Variants in RIMS1 observed in about 807,000 individuals in gnomAD.
The protein encoded by RIMS1 is regulating synaptic membrane exocytosis 1.
In RIMS1, 83 loss-of-function variants were observed where a neutral mutation model predicts 214.1. That is an observed-to-expected ratio of 0.39 (90% CI 0.32 to 0.47). The LOEUF (loss-of-function observed/expected upper bound fraction) is 0.47, where lower values mean the gene tolerates loss of function less well. Ranked by LOEUF, RIMS1 falls within the 20% of genes least tolerant of loss-of-function variation. The pLI, the probability that RIMS1 is intolerant of heterozygous loss-of-function variation, is 0.99. For synonymous variants in RIMS1, 793 were observed against 786.8 expected, an observed-to-expected ratio of 1.01 and a Z score of -0.13; for missense variants, 2,050 against 2,161.8, an observed-to-expected ratio of 0.95 and a Z score of 1.03.
At chr6:72,154,150 A>AGTTAGGGACCCACT (rs1554253954) in intron 4 of RIMS1, among the ~76,000 whole-genome samples, 2 of 142,648 alleles carry the variant, frequency 1.4e-5, no homozygotes, top group Admixed American at 7.1e-5. Flanking sequence ...TGTATATGAA[A>AGTTAGGGACCCACT]TAGCTACAAA....
At chr6:72,258,440 A>G (rs189073504) in intron 17 of RIMS1, among the ~76,000 whole-genome samples, 159 bp downstream of exon 17, 1 of 152,250 alleles carries the variant, frequency 6.6e-6, no homozygotes, top group Admixed American at 6.6e-5. Context: ...TATCCAACCT[A>G]TGTGGCAGTC....
chr6:72,396,828 C>T (rs1049271796), intron 31 of RIMS1, among the ~76,000 whole-genome samples: 2 of 152,062 alleles, frequency 1.3e-5, no homozygotes, highest in Non-Finnish European at 2.9e-5. Context: ...GCCTGACCAA[C>T]ATGGCAAAAC....
At chr6:72,139,303 A>G (rs2041801594) in intron 4 of RIMS1, among the ~76,000 whole-genome samples, 1 of 152,154 alleles carries the variant, frequency 6.6e-6, no homozygotes, top group South Asian at 2.1e-4. Context: ...TCATGAGCAC[A>G]CCAAGTAAGG....
At chr6:71,939,880 A>G (rs1231476637) in intron 1 of RIMS1, among the ~76,000 whole-genome samples, 1 of 152,214 alleles carries the variant, frequency 6.6e-6, no homozygotes, top group African/African-American at 2.4e-5. Flanking sequence ...TAAATAACTC[A>G]ATTTGAAATA....
rs1209452789 is a variant in RIMS1, at chr6:72,343,515, T to TTG, written c.4366+9689_4366+9690dup. 1.1e-3 allele frequency among the ~76,000 whole-genome samples: 132 copies of TTG among 120,568 alleles called. 2 individuals are homozygous for TTG. Among genetic ancestry groups the TTG allele is most frequent in the Middle Eastern group, 4.5e-3 (1 of 222 alleles). The allele number at this position is 120,568 out of a possible 152,430, so 79.1% of individuals were successfully genotyped here. On this transcript the variant is annotated intron_variant, in intron 29 of 33. Transcript: ENST00000521978. ...TTCTTTTTTTTTTTTTTTTTTTTTT[T>TTG]TGTGTGTGTGGTCTTGAACTCCTGG...
At chr6:71,956,162 G>A (rs1791217378) in intron 1 of RIMS1, among the ~76,000 whole-genome samples, 2 of 151,890 alleles carry the variant, frequency 1.3e-5, no homozygotes, top group South Asian at 4.1e-4. Flanking sequence ...CCACTCTACT[G>A]TTACTATGAC....
chr6:72,156,606 A>G (rs1244871175), intron 4 of RIMS1, among the ~76,000 whole-genome samples: 1 of 140,450 alleles, frequency 7.1e-6, no homozygotes, highest in African/African-American at 2.5e-5. Flanking sequence ...TGGTAAGAGA[A>G]TAGATCTTAA....
chr6:72,309,040 A>G (rs1330714781), intron 27 of RIMS1, among the ~76,000 whole-genome samples: 1 of 152,118 alleles, frequency 6.6e-6, no homozygotes, highest in Non-Finnish European at 1.5e-5. Flanking sequence ...GGAAATTTTT[A>G]TCAGTTTCTT....
At chr6:72,205,563 C>A (rs1022461866) in intron 6 of RIMS1, among the ~76,000 whole-genome samples, 1 of 152,116 alleles carries the variant, frequency 6.6e-6, no homozygotes. Context: ...GGTTCAAACT[C>A]AACCAAGCCT....
rs1359781968 is a variant in RIMS1, at chr6:72,242,358, A to G, written c.2002A>G (p.Thr668Ala). 1 of 1,564,004 alleles carries G rather than the reference A, an allele frequency of 6.4e-7. No homozygotes were observed. Among genetic ancestry groups the G allele is most frequent in the Non-Finnish European group, 8.7e-7 (1 of 1,151,824 alleles). Residue 668 changes from threonine to alanine, a missense_variant, in exon 10 of 34, where the codon ACA becomes GCA. By Grantham distance (58) the Thr-to-Ala change is moderately conservative. Transcript: ENST00000521978. ...GAATGGTAAACCCCTGCCGGGAGCT[A>G]CAAATGAAGAAGTTTACAACATTAT... ...EWNGKPLPGA[T>A]NEEVYNIILE... is the part of the protein sequence containing the mutation.
At chr6:72,197,799 T>C (rs1018115151) in intron 6 of RIMS1, among the ~76,000 whole-genome samples, 2 of 151,952 alleles carry the variant, frequency 1.3e-5, no homozygotes, top group Non-Finnish European at 2.9e-5. Flanking sequence ...AACTTACCTA[T>C]GAGGAAGCCC....
At chr6:72,331,031 T>C (rs1260421730) in intron 28 of RIMS1, among the ~76,000 whole-genome samples, 1 of 151,768 alleles carries the variant, frequency 6.6e-6, no homozygotes, top group Non-Finnish European at 1.5e-5. Context: ...TTGTTATACA[T>C]ATTTTTCTAT....
intron 4 of RIMS1, among the ~76,000 whole-genome samples, chr6:72,119,506 G>A (rs1325378930): frequency 6.6e-6 from 1 of 151,682 alleles, no homozygotes; most frequent in Non-Finnish European, 1.5e-5. Flanking sequence ...GCAACACTTA[G>A]AAAAGAGAAC....
intron 6 of RIMS1, among the ~76,000 whole-genome samples, chr6:72,216,280 T>A (rs547079597): frequency 1.3e-5 from 2 of 152,342 alleles, no homozygotes; most frequent in Non-Finnish European, 2.9e-5. Flanking sequence ...AAATCTATTG[T>A]ATTATGAATT....
chr6:72,134,021 A>C (rs532869676), intron 4 of RIMS1, among the ~76,000 whole-genome samples: 1 of 152,226 alleles, frequency 6.6e-6, no homozygotes, highest in Non-Finnish European at 1.5e-5. Context: ...TTAATATAAG[A>C]GTGATCAATA....
intron 1 of RIMS1, among the ~76,000 whole-genome samples, chr6:71,927,112 A>C (rs1367982279): frequency 6.6e-6 from 1 of 152,194 alleles, no homozygotes; most frequent in Admixed American, 6.5e-5. Context: ...ATTTAGAAGA[A>C]ATGAATGGCA....
intron 29 of RIMS1, among the ~76,000 whole-genome samples, chr6:72,337,199 A>G (rs1395524884): frequency 1.3e-5 from 2 of 151,796 alleles, no homozygotes; most frequent in East Asian, 1.9e-4. Context: ...GGGTTTTAAA[A>G]TGTAAAGTTT....
chr6:72,243,310 A>G (rs1346418247), intron 10 of RIMS1, among the ~76,000 whole-genome samples: 2 of 151,896 alleles, frequency 1.3e-5, no homozygotes, highest in Middle Eastern at 3.4e-3. Context: ...ACAAGAAGAT[A>G]TAATTATCAT....
chr6:72,365,506 G>C (rs9442773), intron 29 of RIMS1, among the ~76,000 whole-genome samples: 2,043 of 152,270 alleles, frequency 0.013, 48 homozygotes, highest in African/African-American at 0.047. Context: ...CAGTTTTGAG[G>C]CAGGTTTAGT....
Sources: allele counts gnomAD v4.1 joint callset (sites outside exome capture counted in the v4.1 genomes callset), GRCh38; gene constraint gnomAD v4.1.1; transcripts MANE v1.5; gene names NCBI Gene and HGNC (gene_info 2026-07-23, HGNC 2026-07-21).